The following COL1A2 variants were observed in gnomAD, a reference collection of about 807,000 sequenced individuals.
COL1A2 encodes the protein collagen type I alpha 2 chain.
COL1A2 carries 49 observed loss-of-function variants against 174.3 expected under a neutral mutation model. The ratio of observed to expected loss-of-function variants is 0.28; its 90% CI spans 0.22 to 0.36. COL1A2 has a LOEUF of 0.36. Ranked by LOEUF, COL1A2 falls within the 10% of genes least tolerant of loss-of-function variation. COL1A2 has a pLI of 1.00. For synonymous variants in COL1A2, 655 were observed against 606.6 expected (o/e 1.08, Z -1.17); for missense variants, 1,438 against 1,822.7 (o/e 0.79, Z 3.84).
intron 4 of COL1A2, 86 bp from the exon 5 acceptor site, chr7:94,400,110 G>C: frequency 8.1e-7 from 1 of 1,234,864 alleles, no homozygotes; most frequent in Non-Finnish European, 1.2e-6. Flanking sequence ...ACATAGAAAG[G>C]TCTGAACAAC....
chr7:94,404,953 T>G (rs568917724), intron 9 of COL1A2, 61 bp downstream of exon 9: 1 of 1,578,064 alleles, frequency 6.3e-7, no homozygotes, highest in African/African-American at 1.3e-5. Context: ...CTCAACAAGA[T>G]TTTCTAGATT....
intron 31 of COL1A2, 68 bp downstream of exon 31, chr7:94,416,571 A>G (rs1471900909): frequency 7.0e-5 from 80 of 1,137,756 alleles, no homozygotes; most frequent in Non-Finnish European, 1.0e-4. Context: ...ACCCTTTACA[A>G]TAGAAAGATA....
chr7:94,420,849 C>T, intron 37 of COL1A2, 160 bp from the exon 38 acceptor site: 3 of 885,448 alleles, frequency 3.4e-6, no homozygotes, highest in Non-Finnish European at 5.6e-6. Context: ...CTCTGATAAC[C>T]TCATAAGGGT....
intron 1 of COL1A2, among the ~76,000 whole-genome samples, chr7:94,396,550 G>A (rs969004444): frequency 2.0e-5 from 3 of 152,126 alleles, no homozygotes; most frequent in East Asian, 1.9e-4. Context: ...CTTACCTTCT[G>A]ATCAACAGCC....
chr7:94,408,335 G>A lies in COL1A2; in HGVS notation c.694-1G>A. On this transcript the variant is annotated splice_acceptor_variant, in intron 14 of 51. Coordinates refer to ENST00000297268, the MANE Select transcript of COL1A2 (RefSeq NM_000089.4). LOFTEE classifies it high-confidence loss of function. Reference sequence around the variant, plus strand: ...TGATCTTCCCTTTATTTTCTTCTTAGGGTGCCCGTGGCAGTGATGGAAGTG... The same window carrying A: ...TGATCTTCCCTTTATTTTCTTCTTAAGGTGCCCGTGGCAGTGATGGAAGTG... 1 of 1,614,052 alleles carries A rather than the reference G, an allele frequency of 6.2e-7. No homozygotes were observed. The highest frequency in any genetic ancestry group is 8.5e-7 in the Non-Finnish European group (1 of 1,180,006).
chr7:94,401,737 T>C (rs903386521), intron 6 of COL1A2, 117 bp downstream of exon 6: 3 of 594,044 alleles, frequency 5.1e-6, no homozygotes, highest in Non-Finnish European at 5.9e-6. Context: ...ACTTAGATTA[T>C]ATAAAAACAA....
chr7:94,424,414 C>T lies in COL1A2; in HGVS notation c.2644C>T (p.Arg882Cys), dbSNP rs1204085246. ...ILGLPGSRGE[R>C]GLPGVAGAVG... ...GGGTCTCCCTGGCTCGAGAGGTGAA[C>T]GTGGTCTACCAGGTGTTGCTGGTGC... Residue 882 changes from arginine to cysteine, a missense_variant, in exon 41 of 52, where the codon CGT (arginine) becomes TGT (cysteine). By Grantham distance (180) the Arg-to-Cys change is radical. Coordinates refer to ENST00000297268, the MANE Select transcript of COL1A2 (RefSeq NM_000089.4). 27 of 1,613,938 alleles carry T rather than the reference C, an allele frequency of 1.7e-5. No individual in the cohort carries two copies. Among genetic ancestry groups the T allele is most frequent in the African/African-American group, 2.7e-5 (2 of 74,878 alleles).
chr7:94,427,802 C>A lies in COL1A2; in HGVS notation c.3443C>A (p.Thr1148Asn), dbSNP rs768437760. 1 of 1,613,984 alleles carries A rather than the reference C, an allele frequency of 6.2e-7. No homozygotes were observed. The highest frequency in any genetic ancestry group is 8.5e-7 in the Non-Finnish European group (1 of 1,179,868). Reference sequence around the variant, plus strand: ...AAGTCTCTCAACAACCAGATTGAGACCCTTCTTACTCCTGAAGGCTCTAGA... The same window carrying A: ...AAGTCTCTCAACAACCAGATTGAGAACCTTCTTACTCCTGAAGGCTCTAGA... The part of the protein sequence containing the change: ...TLKSLNNQIE[T>N]LLTPEGSRKN... The change falls in exon 49 of 52, where the codon ACC (threonine) becomes AAC (asparagine). Residue 1148 changes from threonine (T) to asparagine (N), a missense_variant. Physicochemically the swap from Thr to Asn is moderately conservative, Grantham distance 65. This residue lies in a region of COL1A2 where 290 missense variants were observed against 298.1 expected (regional missense o/e 0.97). Coordinates refer to ENST00000297268, the MANE Select transcript of COL1A2 (RefSeq NM_000089.4).
At chr7:94,400,054 TTCAA>T (rs756074063) in intron 4 of COL1A2, 138 bp from the exon 5 acceptor site, 3 of 823,204 alleles carry the variant, frequency 3.6e-6, no homozygotes, top group Admixed American at 3.4e-5. Flanking sequence ...ATAAGTGAAT[TTCAA>T]TCAATGACAA....
chr7:94,417,358 T>C (rs1301105654), intron 31 of COL1A2: 3 of 316,778 alleles, frequency 9.5e-6, no homozygotes, highest in Non-Finnish European at 6.1e-6. Flanking sequence ...AAGGTCTCTT[T>C]CCATGCTTTC....
Position 94,405,069 on chromosome 7 carries a change from A to C in COL1A2, c.433-130A>C, listed in dbSNP as rs1791767611. The C allele has an allele frequency of 6.2e-6, 7 of 1,121,074 alleles. No individual in the cohort carries two copies. The Admixed American group carries it at 1.4e-4, about 22-fold the overall frequency. 69.4% of individuals were successfully genotyped at this position (1,121,074 alleles called of 1,614,324 possible). ...AACTAACCTACTTGTATTAAGGGAAAGATTAAATATATATCTGGATCCATA... is the reference window on the plus strand; with the variant it reads ...AACTAACCTACTTGTATTAAGGGAACGATTAAATATATATCTGGATCCATA... On this transcript the variant is annotated intron_variant, in intron 9 of 51. Transcript: ENST00000297268.
intron 16 of COL1A2, 60 bp downstream of exon 16, chr7:94,408,883 A>T: frequency 1.4e-6 from 2 of 1,450,240 alleles, no homozygotes; most frequent in Non-Finnish European, 9.7e-7. Context: ...GATGTGAAAG[A>T]TTGGAACTGT....
At chr7:94,421,289 G>A (rs1309765531) in intron 38 of COL1A2, 2 of 600,402 alleles carry the variant, frequency 3.3e-6, no homozygotes. Flanking sequence ...GTGGGCCCTA[G>A]GCAGTTTAAT....
At chr7:94,401,693 G>T in intron 6 of COL1A2, 73 bp downstream of exon 6, 1 of 1,132,450 alleles carries the variant, frequency 8.8e-7, no homozygotes, top group Non-Finnish European at 1.3e-6. Context: ...ATTTTACCAC[G>T]CCATTTATTT....
At chr7:94,395,231 G>T in intron 1 of COL1A2, 130 bp downstream of exon 1, 1 of 803,070 alleles carries the variant, frequency 1.2e-6, no homozygotes. Context: ...AGGCATGTGG[G>T]AAAACGCCGG....
At chr7:94,415,423 T>C (rs893091457) in intron 30 of COL1A2, among the ~76,000 whole-genome samples, 153 bp downstream of exon 30, 1 of 152,224 alleles carries the variant, frequency 6.6e-6, no homozygotes, top group Admixed American at 6.5e-5. Context: ...GATTTCTAAG[T>C]TGATAGTAGA....
chr7:94,419,199 T>G (rs1041091513), intron 33 of COL1A2, among the ~76,000 whole-genome samples: 1 of 151,604 alleles, frequency 6.6e-6, no homozygotes, highest in Non-Finnish European at 1.5e-5. Flanking sequence ...ACAAGGCTAC[T>G]CATTTGCTGC....
rs750357212 is a variant in COL1A2, at chr7:94,404,886, T to G, written c.426T>G (p.Gly142=). 1.2e-6 allele frequency: 2 copies of G among 1,614,020 alleles called. No homozygotes were observed. Among genetic ancestry groups the G allele is most frequent in the East Asian group, 4.5e-5 (2 of 44,880 alleles). Residue 142 remains glycine, a synonymous_variant, in exon 9 of 52, where the codon GGT becomes GGG. Transcript: ENST00000297268. ...CAGCTGGCCCTCCTGGCAAGGCTGG[T>G]GAAGATGTAAGTATTTACTCTTAAG... The part of the protein sequence containing the change: ...RGPAGPPGKA[G]EDGHPGKPGR...
intron 40 of COL1A2, 86 bp from the exon 41 acceptor site, chr7:94,424,250 G>T: frequency 8.8e-7 from 1 of 1,132,042 alleles, no homozygotes; most frequent in South Asian, 1.2e-5. Flanking sequence ...CTAAGCTGAA[G>T]ACAGTTTATT....
Sources: allele counts gnomAD v4.1 joint callset (sites outside exome capture counted in the v4.1 genomes callset), GRCh38; gene constraint gnomAD v4.1.1; regional missense constraint gnomAD v4.1.1; transcripts MANE v1.5; gene names NCBI Gene and HGNC (gene_info 2026-07-23, HGNC 2026-07-21).